ORC3: variants seen among roughly 807,000 people sequenced by gnomAD.
ORC3 encodes the protein origin recognition complex subunit 3.
Under a neutral mutation model 100.7 loss-of-function variants are expected in ORC3, and 78 were observed. That is an observed-to-expected ratio of 0.77 (90% CI 0.65 to 0.94). The LOEUF is 0.94. Ranked by LOEUF, ORC3 falls within the 40% of genes least tolerant of loss-of-function variation. ORC3 has a pLI of 0.00. For synonymous variants in ORC3, 295 were observed against 289.3 expected (o/e 1.02, Z -0.20); for missense variants, 789 against 823.9 (o/e 0.96, Z 0.52).
chr6:87,677,806 C>G, the ORC3 span: 1 of 1,610,572 alleles, frequency 6.2e-7, no homozygotes, highest in Admixed American at 1.7e-5. Flanking sequence ...CTCTAATAAA[C>G]ACACCTCATA....
chr6:87,607,957 G>C (rs4706294), intron 6 of ORC3, 133 bp downstream of exon 6: 294,746 of 526,570 alleles, frequency 0.56, 84,401 homozygotes, highest in African/African-American at 0.72. Context: ...TTAAAAGTAG[G>C]TATTTATTTT....
chr6:87,675,542 C>G, the ORC3 span: 1 of 1,605,808 alleles, frequency 6.2e-7, no homozygotes, highest in Non-Finnish European at 8.5e-7. Flanking sequence ...TAATTGGGAC[C>G]TCTTGCAACA....
chr6:87,660,463 C>T (rs1022306312), intron 16 of ORC3, among the ~76,000 whole-genome samples: 7 of 152,184 alleles, frequency 4.6e-5, no homozygotes, highest in Non-Finnish European at 8.8e-5. Context: ...TCTACACTGC[C>T]CTCAACAGCC....
chr6:87,631,317 T>C (rs1461194272), intron 11 of ORC3, among the ~76,000 whole-genome samples: 3 of 152,140 alleles, frequency 2.0e-5, no homozygotes, highest in Non-Finnish European at 2.9e-5. Context: ...CTAGACAAAG[T>C]GTATCTCCGT....
intron 13 of ORC3, among the ~76,000 whole-genome samples, chr6:87,640,052 C>T (rs751461396): frequency 4.0e-4 from 61 of 152,044 alleles, no homozygotes; most frequent in Admixed American, 6.6e-4. Context: ...CAGAAGGAGG[C>T]GGATTCAAAC....
intron 6 of ORC3, among the ~76,000 whole-genome samples, chr6:87,608,743 AAAT>A (rs1167122451): frequency 6.6e-6 from 1 of 152,198 alleles, no homozygotes; most frequent in African/African-American, 2.4e-5. Context: ...TTTTCATTAA[AAAT>A]ACTAGTTCTC....
intron 14 of ORC3, among the ~76,000 whole-genome samples, chr6:87,654,307 C>T (rs1158730380): frequency 6.6e-6 from 1 of 152,138 alleles, no homozygotes; most frequent in Non-Finnish European, 1.5e-5. Context: ...AGAATGTTTG[C>T]CTGACTAGAG....
Position 87,601,797 on chromosome 6 carries a change from C to T in ORC3, c.93C>T (p.Asn31=). Reference sequence around the variant, plus strand: ...TTCTGTTTTTAGAGGACTATTTTAACAAAGGGAAAAATGAGCCTGAGGACA... The same window carrying T: ...TTCTGTTTTTAGAGGACTATTTTAATAAAGGGAAAAATGAGCCTGAGGACA... ...KISLPIEDYF[N]KGKNEPEDSK... The change falls in exon 3 of 20, where the codon AAC becomes AAT. Residue 31 remains asparagine (N), a synonymous_variant. Transcript: ENST00000392844. 6.3e-7 allele frequency: 1 copy of T among 1,599,278 alleles called. No individual in the cohort carries two copies. The highest frequency in any genetic ancestry group is 2.2e-5 in the East Asian group (1 of 44,776).
chr6:87,619,168 G>T (rs1779367085), intron 9 of ORC3, among the ~76,000 whole-genome samples: 1 of 152,144 alleles, frequency 6.6e-6, no homozygotes, highest in Admixed American at 6.5e-5. Flanking sequence ...AGGAGAACCG[G>T]TAGAAAGTGG....
chr6:87,591,825 C>T (rs533004087), intron 1 of ORC3, among the ~76,000 whole-genome samples: 4 of 152,046 alleles, frequency 2.6e-5, no homozygotes, highest in Non-Finnish European at 5.9e-5. Context: ...TCCACCTCCC[C>T]GATTCAAGCT....
chr6:87,649,727 CAA>C (rs1769097490), intron 13 of ORC3, among the ~76,000 whole-genome samples: 1 of 152,148 alleles, frequency 6.6e-6, no homozygotes, highest in Non-Finnish European at 1.5e-5. Flanking sequence ...GCCTGGGCAA[CAA>C]GAGCCAAACT....
intron 13 of ORC3, among the ~76,000 whole-genome samples, chr6:87,652,831 T>G (rs1224696550): frequency 2.0e-5 from 3 of 152,210 alleles, no homozygotes; most frequent in East Asian, 3.8e-4. Flanking sequence ...GGATCAGAGA[T>G]GTATAATAAC....
intron 11 of ORC3, among the ~76,000 whole-genome samples, chr6:87,630,507 A>C (rs1361637780): frequency 6.6e-6 from 1 of 152,236 alleles, no homozygotes; most frequent in East Asian, 1.9e-4. Flanking sequence ...GCCCGGTGTT[A>C]ATCTAGGTTT....
chr6:87,620,221 G>A (rs1263829328), intron 9 of ORC3, among the ~76,000 whole-genome samples: 1 of 152,092 alleles, frequency 6.6e-6, no homozygotes, highest in Non-Finnish European at 1.5e-5. Flanking sequence ...TTTTTCTCAT[G>A]TCCGAAAAGT....
Position 87,607,769 on chromosome 6 carries a change from G to A in ORC3, c.524G>A (p.Arg175Lys). Residue 175 changes from arginine to lysine, a missense_variant, in exon 6 of 20, where the codon AGA (arginine) becomes AAA (lysine). Arg to Lys is a conservative substitution (Grantham distance 26). Around this residue, in one of 3 missense-constraint regions of ORC3, gnomAD observed 399 missense variants for 382.0 expected, o/e 1.04. Transcript: ENST00000392844. ...GAGGAAAGTGTTCACGTCACCCAAA[G>A]AAAGACACATTATTCAATGGATTCA... is the stretch of plus-strand genomic sequence containing the variant. Reference protein sequence around the residue: ...KEEESVHVTQRKTHYSMDSLS... With the variant: ...KEEESVHVTQKKTHYSMDSLS... The A allele has an allele frequency of 6.2e-7, 1 of 1,612,728 alleles. No individual in the cohort carries two copies. Among genetic ancestry groups the A allele is most frequent in the Non-Finnish European group, 8.5e-7 (1 of 1,178,898 alleles).
chr6:87,616,292 C>A, intron 8 of ORC3, 22 bp from the exon 9 acceptor site: 1 of 870,056 alleles, frequency 1.1e-6, no homozygotes, highest in South Asian at 1.4e-5. Flanking sequence ...AGTGTGTCCC[C>A]CTCCCTTTTA....
At chr6:87,616,912 C>T (rs1272613603) in intron 9 of ORC3, among the ~76,000 whole-genome samples, 2 of 152,092 alleles carry the variant, frequency 1.3e-5, no homozygotes, top group Admixed American at 1.3e-4. Context: ...GCAATTCTGC[C>T]TCAGCCTCCC....
At chr6:87,675,558 A>T in the ORC3 span, 1 of 1,613,260 alleles carries the variant, frequency 6.2e-7, no homozygotes, top group Non-Finnish European at 8.5e-7. Flanking sequence ...CAACAACTCA[A>T]CAAGGAACAA....
chr6:87,625,525 C>T (rs7756133), intron 11 of ORC3, among the ~76,000 whole-genome samples: 60,643 of 151,904 alleles, frequency 0.4, 12,209 homozygotes, highest in Admixed American at 0.48. Context: ...TATCCTTTGC[C>T]CACTTTTTGA....
Sources: gnomAD v4.1 joint callset for allele counts (sites outside exome capture counted in the v4.1 genomes callset) on GRCh38, gnomAD v4.1.1 for gene constraint, gnomAD v4.1.1 regional missense constraint, MANE v1.5 for transcripts, NCBI Gene and HGNC (gene_info 2026-07-23, HGNC 2026-07-21) for gene names.